DSCAM: variants seen among roughly 807,000 people sequenced by gnomAD.
DSCAM encodes DS cell adhesion molecule.
Under a neutral mutation model 217.7 loss-of-function variants are expected in DSCAM, and 47 were observed. The ratio of observed to expected loss-of-function variants is 0.22; its 90% CI spans 0.17 to 0.28. The LOEUF (loss-of-function observed/expected upper bound fraction) is 0.28, where lower values mean the gene tolerates loss of function less well. Among genes scored for constraint, DSCAM ranks in the 10% least tolerant of loss-of-function variants. The probability of loss-of-function intolerance (pLI) is 1.00; values close to 1 mark genes in which losing one functional copy is unlikely to be tolerated. For missense variants in DSCAM, 2,080 were observed against 2,618.3 expected, an observed-to-expected ratio of 0.79 and a Z score of 4.49; for synonymous variants, 1,056 against 1,015.3, an observed-to-expected ratio of 1.04 and a Z score of -0.76.
chr21:40,297,198 T>C (rs1005734093), intron 9 of DSCAM, among the ~76,000 whole-genome samples: 5 of 152,148 alleles, frequency 3.3e-5, no homozygotes, highest in Admixed American at 2.6e-4. Flanking sequence ...TGTTGTGAGG[T>C]GCTGTAAAGA....
chr21:40,519,156 T>C (rs1387886887), intron 3 of DSCAM, among the ~76,000 whole-genome samples: 1 of 152,186 alleles, frequency 6.6e-6, no homozygotes, highest in East Asian at 1.9e-4. Context: ...AATGTCCAGA[T>C]AGCCCTTTAT....
At chr21:40,425,500 T>C (rs747385533) in intron 3 of DSCAM, among the ~76,000 whole-genome samples, 3 of 150,722 alleles carry the variant, frequency 2.0e-5, no homozygotes, top group Non-Finnish European at 2.9e-5. Flanking sequence ...ACTTAAAGTA[T>C]AATAATAAAT....
chr21:40,645,596 C>T (rs933228027), intron 3 of DSCAM, among the ~76,000 whole-genome samples: 1 of 152,046 alleles, frequency 6.6e-6, no homozygotes, highest in Non-Finnish European at 1.5e-5. Flanking sequence ...ATTCCTAAAT[C>T]TCATAGCAAT....
At chr21:40,588,775 T>C (rs1456300019) in intron 3 of DSCAM, among the ~76,000 whole-genome samples, 3 of 152,172 alleles carry the variant, frequency 2.0e-5, no homozygotes, top group Non-Finnish European at 2.9e-5. Context: ...TTTGTAAAAT[T>C]CTACATGTGG....
At chr21:40,292,355 G>T (rs1428951509) in intron 10 of DSCAM, among the ~76,000 whole-genome samples, 1 of 152,018 alleles carries the variant, frequency 6.6e-6, no homozygotes, top group African/African-American at 2.4e-5. Flanking sequence ...ATTTATGAGG[G>T]AGCTGCACTT....
chr21:40,486,116 T>A (rs1023974503), intron 3 of DSCAM, among the ~76,000 whole-genome samples: 1 of 152,224 alleles, frequency 6.6e-6, no homozygotes, highest in African/African-American at 2.4e-5. Flanking sequence ...AGGTCAGCCA[T>A]AGATGGCTAA....
chr21:40,721,625 T>C (rs1437369540), intron 1 of DSCAM, among the ~76,000 whole-genome samples: 1 of 151,982 alleles, frequency 6.6e-6, no homozygotes, highest in Non-Finnish European at 1.5e-5. Flanking sequence ...ACTACCCAAA[T>C]TGAAAAACAA....
intron 9 of DSCAM, among the ~76,000 whole-genome samples, chr21:40,306,050 A>G (rs904063373): frequency 5.3e-5 from 8 of 151,870 alleles, no homozygotes; most frequent in African/African-American, 1.7e-4. Flanking sequence ...CCATTTTCAC[A>G]ATATTGATTC....
intron 3 of DSCAM, among the ~76,000 whole-genome samples, chr21:40,435,844 C>T (rs938455346): frequency 6.6e-5 from 10 of 152,156 alleles, no homozygotes; most frequent in African/African-American, 1.9e-4. Flanking sequence ...TCAATAGAAA[C>T]CATACTTTGA....
intron 1 of DSCAM, among the ~76,000 whole-genome samples, chr21:40,782,095 C>T (rs879699958): frequency 2.7e-4 from 41 of 151,664 alleles, no homozygotes; most frequent in Admixed American, 5.9e-4. Context: ...GGCGTGAACC[C>T]GGGAGGCGGA....
At chr21:40,618,351 G>GGGAGGGCA (rs368069891) in intron 3 of DSCAM, among the ~76,000 whole-genome samples, 180 of 152,326 alleles carry the variant, frequency 1.2e-3, no homozygotes, top group Middle Eastern at 0.01. Flanking sequence ...CCTCTAAAGG[G>GGGAGGGCA]GGAGGGCAGG....
At chr21:40,550,981 C>T (rs1238686924) in intron 3 of DSCAM, among the ~76,000 whole-genome samples, 2 of 151,560 alleles carry the variant, frequency 1.3e-5, no homozygotes, top group Admixed American at 1.3e-4. Context: ...GATTACAGTC[C>T]CTTTACACGT....
At chr21:40,738,598 G>C (rs1025250428) in intron 1 of DSCAM, among the ~76,000 whole-genome samples, 4 of 152,146 alleles carry the variant, frequency 2.6e-5, no homozygotes, top group African/African-American at 9.7e-5. Context: ...CTCTATCCCA[G>C]TGTTTTTCAA....
intron 1 of DSCAM, among the ~76,000 whole-genome samples, chr21:40,778,034 T>G (rs2091504515): frequency 6.6e-6 from 1 of 152,168 alleles, no homozygotes; most frequent in Non-Finnish European, 1.5e-5. Flanking sequence ...TACAGAATTG[T>G]GTGCCCAGCC....
intron 3 of DSCAM, among the ~76,000 whole-genome samples, chr21:40,625,239 T>C (rs1214769569): frequency 6.6e-6 from 1 of 152,058 alleles, no homozygotes; most frequent in Non-Finnish European, 1.5e-5. Flanking sequence ...ACCACAGAGA[T>C]ATACATGGAG....
intron 32 of DSCAM, among the ~76,000 whole-genome samples, chr21:40,027,052 G>A (rs1488755450): frequency 8.5e-5 from 13 of 152,304 alleles, no homozygotes; most frequent in African/African-American, 3.1e-4. Context: ...TCCTTCAGGA[G>A]CTCTTTTAGG....
At chr21:40,508,759 ATATATATATATATATATATATATATT>A (rs1177659110) in intron 3 of DSCAM, among the ~76,000 whole-genome samples, 104 of 5,668 alleles carry the variant, frequency 0.018, 4 homozygotes, top group East Asian at 0.06. Context: ...ATATATATAT[ATATATATATATATATATATATATATT>A]TTTTTTTTTT....
chr21:40,559,800 T>C (rs1026758382), intron 3 of DSCAM, among the ~76,000 whole-genome samples: 30 of 146,996 alleles, frequency 2.0e-4, no homozygotes, highest in Non-Finnish European at 4.0e-4. Flanking sequence ...TTTTTTTTTT[T>C]TTTTTTCTTT....
intron 3 of DSCAM, among the ~76,000 whole-genome samples, chr21:40,430,195 G>C (rs960031496): frequency 2.0e-5 from 3 of 152,170 alleles, no homozygotes; most frequent in Non-Finnish European, 4.4e-5. Context: ...TTTAGGTACA[G>C]TTTTAGCAAC....
Sources: allele counts gnomAD v4.1 joint callset (sites outside exome capture counted in the v4.1 genomes callset), GRCh38; gene constraint gnomAD v4.1.1; transcripts MANE v1.5; gene names NCBI Gene and HGNC (gene_info 2026-07-23, HGNC 2026-07-21).